RIOX2: variants seen among roughly 807,000 people sequenced by gnomAD.
RIOX2 encodes ribosomal oxygenase 2.
Under a neutral mutation model 51.2 loss-of-function variants are expected in RIOX2, and 43 were observed. The ratio of observed to expected loss-of-function variants is 0.84; its 90% CI spans 0.66 to 1.08. RIOX2 has a LOEUF of 1.08. Among genes scored for constraint, RIOX2 ranks in the 50% least tolerant of loss-of-function variants. The pLI, the probability that RIOX2 is intolerant of heterozygous loss-of-function variation, is 0.00. For synonymous variants in RIOX2, 226 were observed against 218.5 expected (o/e 1.03, Z -0.30); for missense variants, 566 against 561.7 (o/e 1.01, Z -0.08).
chr3:97,946,002 T>G, intron 8 of RIOX2, 115 bp from the exon 9 acceptor site: 1 of 691,868 alleles, frequency 1.4e-6, no homozygotes, highest in East Asian at 2.7e-5. Flanking sequence ...GCCTTGGTGC[T>G]CAAGTGAAAT....
chr3:97,956,479 A>G (rs1705454218), intron 4 of RIOX2, among the ~76,000 whole-genome samples: 1 of 152,236 alleles, frequency 6.6e-6, no homozygotes, highest in South Asian at 2.1e-4. Context: ...AGACAGACAT[A>G]CAGATATTGC....
chr3:97,942,149 C>T lies in RIOX2; in HGVS notation c.*3035G>A. 3 of 631,410 alleles carry T rather than the reference C, an allele frequency of 4.8e-6. No homozygotes were observed. The highest frequency in any genetic ancestry group is 4.9e-6 in the Non-Finnish European group (2 of 405,618). 39.1% of individuals were successfully genotyped at this position (631,410 alleles called of 1,614,324 possible). On this transcript the variant is annotated 3_prime_UTR_variant, in exon 10 of 10. Transcript: ENST00000394198. ...TTAAAAAAGGCTTACTGAAATTATACTATATAGTATTTTTTTAGATAAGAC... is the reference window on the plus strand; with the variant it reads ...TTAAAAAAGGCTTACTGAAATTATATTATATAGTATTTTTTTAGATAAGAC...
chr3:97,968,762 C>T (rs925032877), intron 1 of RIOX2, among the ~76,000 whole-genome samples: 1 of 152,228 alleles, frequency 6.6e-6, no homozygotes, highest in African/African-American at 2.4e-5. Flanking sequence ...TCACTTTCAA[C>T]AGATTCTTAA....
intron 7 of RIOX2, among the ~76,000 whole-genome samples, chr3:97,947,926 T>TA (rs1460272964): frequency 6.6e-6 from 1 of 152,198 alleles, no homozygotes; most frequent in Non-Finnish European, 1.5e-5. Flanking sequence ...AATAGTATCC[T>TA]ATAAAAGCCA....
Position 97,954,452 on chromosome 3 carries a change from G to A in RIOX2, c.725C>T (p.Ala242Val), listed in dbSNP as rs756029960. The change falls in exon 5 of 10, where the codon GCG becomes GTG. Residue 242 changes from alanine (A) to valine (V), a missense_variant. Coordinates refer to ENST00000394198, the MANE Select transcript of RIOX2 (RefSeq NM_153182.4). The part of the protein sequence containing the change: ...LYFPRGTIHQ[A>V]DTPAGLAHST... ...GTGGGCCAGCCCCGCAGGAGTGTCC[G>A]CTTGATGAATGGTTCCTCTGGGAAA... The A allele has an allele frequency of 4.3e-6, 7 of 1,614,092 alleles. No individual in the cohort carries two copies. In the East Asian group the frequency reaches 6.7e-5, roughly 15 times the overall value.
chr3:97,961,836 G>T, intron 2 of RIOX2, 128 bp from the exon 3 acceptor site: 1 of 1,017,344 alleles, frequency 9.8e-7, no homozygotes, highest in Non-Finnish European at 1.3e-6. Flanking sequence ...ACCAGATACT[G>T]GGAATTATGC....
chr3:97,965,678 G>T (rs1705863903), intron 2 of RIOX2, among the ~76,000 whole-genome samples: 1 of 152,236 alleles, frequency 6.6e-6, no homozygotes, highest in South Asian at 2.1e-4. Flanking sequence ...CAGCACTTAA[G>T]TGGATGAGCA....
chr3:97,954,642 A>G (rs1576002778), intron 4 of RIOX2, 147 bp from the exon 5 acceptor site: 4 of 668,602 alleles, frequency 6.0e-6, no homozygotes, highest in Admixed American at 4.5e-5. Flanking sequence ...TGCTGGGCTC[A>G]TGTCGTGTGC....
At chr3:97,957,024 G>A (rs1001039297) in intron 4 of RIOX2, among the ~76,000 whole-genome samples, 7 of 152,196 alleles carry the variant, frequency 4.6e-5, no homozygotes, top group African/African-American at 1.7e-4. Flanking sequence ...CATCCTGGGA[G>A]TCTGGGTCTG....
In RIOX2 at chr3:97,942,470, G is replaced by A. The variant is rs775068378; in HGVS notation, c.*2714C>T. 3 of 1,581,610 alleles carry A rather than the reference G, an allele frequency of 1.9e-6. No individual in the cohort carries two copies. Among genetic ancestry groups the A allele is most frequent in the Non-Finnish European group, 2.6e-6 (3 of 1,160,644 alleles). ...TGGGCCTTTGATGATACCCAATGTTGTGTCCCTGGATATTAGTTTCAGTTC... is the reference window on the plus strand; with the variant it reads ...TGGGCCTTTGATGATACCCAATGTTATGTCCCTGGATATTAGTTTCAGTTC... On this transcript the variant is annotated 3_prime_UTR_variant, in exon 10 of 10. Transcript: ENST00000394198.
At position 97,963,314 on chromosome 3, in the gene RIOX2, A is replaced by G. The variant is rs924221161; in HGVS notation, c.433-1606T>C. 9.9e-5 allele frequency among the ~76,000 whole-genome samples: 15 copies of G among 152,102 alleles called. No individual in the cohort carries two copies. The East Asian group carries it at 2.5e-3, about 26-fold the overall frequency. On this transcript the variant is annotated intron_variant, in intron 2 of 9. Coordinates refer to ENST00000394198, the MANE Select transcript of RIOX2 (RefSeq NM_153182.4). ...AATTTTTTTCTCTTATTTTGTAGAG[A>G]TGGTGGTCTCACTTTGTTGCCCAGG...
Position 97,950,895 on chromosome 3 carries a change from T to A in RIOX2, c.786-7A>T. 1 of 1,603,950 alleles carries A rather than the reference T, an allele frequency of 6.2e-7. No individual in the cohort carries two copies. On this transcript the variant is annotated splice_region_variant and splice_polypyrimidine_tract_variant and intron_variant, in intron 5 of 9. Transcript: ENST00000394198. ...AAGGAAATCTCCCCATGAACTAGGA[T>A]ATGCACCAAGGGGGAAAAAAAAACC...
chr3:97,955,966 A>C (rs1055022102), intron 4 of RIOX2, among the ~76,000 whole-genome samples: 5 of 152,176 alleles, frequency 3.3e-5, no homozygotes, highest in African/African-American at 1.2e-4. Context: ...AACAATAATA[A>C]ATGGTACATC....
Position 97,957,281 on chromosome 3 carries a change from G to T in RIOX2, c.681+1770C>A, listed in dbSNP as rs540224709. ...TGGGAGGCCGAGGCAGGTGGATCACGAGGTCAGGAGTTTGAGACCAGCCTG... is the reference window on the plus strand; with the variant it reads ...TGGGAGGCCGAGGCAGGTGGATCACTAGGTCAGGAGTTTGAGACCAGCCTG... On this transcript the variant is annotated intron_variant, in intron 4 of 9. Coordinates refer to ENST00000394198, the MANE Select transcript of RIOX2 (RefSeq NM_153182.4). 8.5e-5 allele frequency among the ~76,000 whole-genome samples: 13 copies of T among 152,104 alleles called. No homozygotes were observed. The East Asian group carries it at 1.4e-3, about 16-fold the overall frequency.
At chr3:97,971,281 C>T (rs1000490114) in intron 1 of RIOX2, among the ~76,000 whole-genome samples, 4 of 152,206 alleles carry the variant, frequency 2.6e-5, no homozygotes, top group African/African-American at 9.7e-5. Context: ...TTTCTGGGCC[C>T]TCATCAAGCC....
At chr3:97,951,706 C>T (rs1198371277) in intron 5 of RIOX2, among the ~76,000 whole-genome samples, 3 of 152,206 alleles carry the variant, frequency 2.0e-5, no homozygotes, top group Non-Finnish European at 4.4e-5. Flanking sequence ...ACTTCTCACT[C>T]AGTAAGCAAA....
chr3:97,966,362 G>A (rs1705889340), intron 2 of RIOX2, among the ~76,000 whole-genome samples: 1 of 152,094 alleles, frequency 6.6e-6, no homozygotes, highest in African/African-American at 2.4e-5. Context: ...GGGGATAAAA[G>A]TTTATCTAAA....
Position 97,943,192 on chromosome 3 carries a change from C to A in RIOX2, c.*1992G>T. 1.6e-6 allele frequency: 2 copies of A among 1,283,150 alleles called. No homozygotes were observed. Among genetic ancestry groups the A allele is most frequent in the Non-Finnish European group, 2.2e-6 (2 of 890,468 alleles). The allele number at this position is 1,283,150 out of a possible 1,614,324, so 79.5% of individuals were successfully genotyped here. A position where few individuals can be genotyped will look rare whatever the true frequency, so the allele number is the denominator to read the frequency against. ...TGAAATTGCTAAGCACCTGCCTGAA[C>A]AAATAATCTTTTCTTTTGGAATTTC... On this transcript the variant is annotated 3_prime_UTR_variant, in exon 10 of 10. Coordinates refer to ENST00000394198, the MANE Select transcript of RIOX2 (RefSeq NM_153182.4).
Position 97,942,348 on chromosome 3 carries a change from G to C in RIOX2, c.*2836C>G. 6.2e-7 allele frequency: 1 copy of C among 1,611,772 alleles called. No individual in the cohort carries two copies. The highest frequency in any genetic ancestry group is 1.1e-5 in the South Asian group (1 of 90,904). ...ACACCTGGAGCTAAAGTAGCTCTAT[G>C]GACTGAACATGGGCAATTCAGGCAG... On this transcript the variant is annotated 3_prime_UTR_variant, in exon 10 of 10. Coordinates refer to ENST00000394198, the MANE Select transcript of RIOX2 (RefSeq NM_153182.4).
Sources: allele counts gnomAD v4.1 joint callset (sites outside exome capture counted in the v4.1 genomes callset), GRCh38; gene constraint gnomAD v4.1.1; transcripts MANE v1.5; gene names NCBI Gene and HGNC (gene_info 2026-07-23, HGNC 2026-07-21).